Variants in SPAG9 observed in about 807,000 individuals in gnomAD.
The protein encoded by SPAG9 is C-Jun-amino-terminal kinase-interacting protein 4.
A neutral mutation model predicts 166.5 loss-of-function variants in SPAG9; 35 were observed. That is an observed-to-expected ratio of 0.21 (90% CI 0.16 to 0.28). The LOEUF is 0.28. SPAG9 is among the 10% of genes least tolerant of loss of function. SPAG9 has a pLI of 1.00. For synonymous variants in SPAG9, 534 were observed against 565.5 expected, an observed-to-expected ratio of 0.94 and a Z score of 0.79; for missense variants, 1,235 against 1,603.3, an observed-to-expected ratio of 0.77 and a Z score of 3.92.
rs779938245 is a variant in SPAG9, at chr17:50,989,754, G to A, written c.2736C>T (p.Gly912=). The A allele has an allele frequency of 9.7e-5, 157 of 1,613,796 alleles. No homozygotes were observed. Among genetic ancestry groups the A allele is most frequent in the Non-Finnish European group, 1.3e-4 (150 of 1,179,932 alleles). Residue 912 remains glycine, a synonymous_variant, in exon 21 of 30, where the codon GGC becomes GGT. Coordinates refer to ENST00000262013, the MANE Select transcript of SPAG9 (RefSeq NM_001130528.3). ...CTGTAAAGACATGCTCTGTGTAGAC[G>A]CCAGTTTGGGAGATGTCCACTGTGT... ...AEDTVDISQT[G]VYTEHVFTDP...
At chr17:50,994,472 C>T (rs1046011615) in intron 18 of SPAG9, among the ~76,000 whole-genome samples, 4 of 152,108 alleles carry the variant, frequency 2.6e-5, no homozygotes, top group Admixed American at 6.5e-5. Flanking sequence ...AGCAGTTAGG[C>T]TGGCACAGTG....
At chr17:51,036,571 C>T (rs1214783634) in intron 5 of SPAG9, among the ~76,000 whole-genome samples, 2 of 152,128 alleles carry the variant, frequency 1.3e-5, no homozygotes, top group African/African-American at 2.4e-5. Flanking sequence ...CACACAGATG[C>T]TGCCTTCCTC....
intron 22 of SPAG9, among the ~76,000 whole-genome samples, chr17:50,986,431 G>A (rs961821173): frequency 2.6e-5 from 4 of 152,144 alleles, no homozygotes; most frequent in African/African-American, 7.2e-5. Context: ...GACTTTTTCA[G>A]ATTTTAGAAT....
intron 28 of SPAG9, among the ~76,000 whole-genome samples, chr17:50,972,363 C>A (rs1024667): frequency 0.057 from 8,651 of 152,232 alleles, 734 homozygotes; most frequent in African/African-American, 0.19. Flanking sequence ...TATTTCAAAT[C>A]TATGGCTTTC....
At chr17:50,973,500 GAAT>G (rs1353800833) in intron 28 of SPAG9, among the ~76,000 whole-genome samples, 2 of 152,134 alleles carry the variant, frequency 1.3e-5, no homozygotes, top group Non-Finnish European at 2.9e-5. Flanking sequence ...AAGAATAACT[GAAT>G]AATTGCTTAG....
chr17:51,058,649 C>G (rs1212629661), intron 2 of SPAG9, among the ~76,000 whole-genome samples: 1 of 152,186 alleles, frequency 6.6e-6, no homozygotes, highest in African/African-American at 2.4e-5. Flanking sequence ...TTCACAGATA[C>G]TTTGATACAA....
rs748709764 is a variant in SPAG9 at position 50,999,691 on chromosome 17, T to C, written c.1634A>G (p.Gln545Arg). 2 of 1,613,492 alleles carry C rather than the reference T, an allele frequency of 1.2e-6. No individual in the cohort carries two copies. The highest frequency in any genetic ancestry group is 8.5e-7 in the Non-Finnish European group (1 of 1,179,634). ...IRASRENPAM[Q>R]EKKRSSIWQF... The stretch of plus-strand genomic sequence containing the variant: ...CCAAATGCTTGACCTTTTTTTTTCC[T>C]GCATGGCTGGATTTTCTCGTGATGC... Residue 545 changes from glutamine (Q) to arginine (R), a missense_variant, in exon 14 of 30, where the codon CAG becomes CGG. Physicochemically the swap from Gln to Arg is conservative, Grantham distance 43. Coordinates refer to ENST00000262013, the MANE Select transcript of SPAG9 (RefSeq NM_001130528.3).
chr17:51,120,609 G>A lies in SPAG9; in HGVS notation c.48C>T (p.Ser16=), dbSNP rs764706201. 2 of 1,612,258 alleles carry A rather than the reference G, an allele frequency of 1.2e-6. No individual in the cohort carries two copies. Among genetic ancestry groups the A allele is most frequent in the Non-Finnish European group, 1.7e-6 (2 of 1,179,388 alleles). The stretch of plus-strand genomic sequence containing the variant: ...ACACCCGCTCCGACATCACGGCCCC[G>A]GAGCCGCCGGGCTCCTCCTGATACA... The part of the protein sequence containing the change: ...GVVYQEEPGG[S]GAVMSERVSG... The change falls in exon 1 of 30, where the codon TCC becomes TCT. Residue 16 remains serine, a synonymous_variant. Transcript: ENST00000262013. This position sits in a 1 kb window ranked among gnomAD's most constrained non-coding sequence, Gnocchi z 4.7.
At chr17:51,098,995 G>A (rs772932915) in intron 1 of SPAG9, among the ~76,000 whole-genome samples, 9 of 151,742 alleles carry the variant, frequency 5.9e-5, no homozygotes, top group Non-Finnish European at 4.4e-5. Flanking sequence ...ATCTACTGGG[G>A]AGGCTGAGGC....
intron 2 of SPAG9, among the ~76,000 whole-genome samples, chr17:51,067,225 T>C (rs923150765): frequency 1.3e-5 from 2 of 152,168 alleles, no homozygotes; most frequent in African/African-American, 2.4e-5. Flanking sequence ...AATAACTCAG[T>C]ACAACAACAT....
chr17:50,964,385 T>A lies in SPAG9; in HGVS notation c.*1887A>T, dbSNP rs1466189671. On this transcript the variant is annotated 3_prime_UTR_variant, in exon 30 of 30. Coordinates refer to ENST00000262013, the MANE Select transcript of SPAG9 (RefSeq NM_001130528.3). ...GGTAGATCATCTGAGGTCAGGAGTT[T>A]GAGACCAGCCTGGCCAATGTGGTGA... 1 of 152,754 alleles carries A rather than the reference T, an allele frequency of 6.5e-6. No individual in the cohort carries two copies. The highest frequency in any genetic ancestry group is 1.5e-5 in the Non-Finnish European group (1 of 68,336). 9.5% of individuals were successfully genotyped at this position (152,754 alleles called of 1,614,324 possible).
intron 27 of SPAG9, chr17:50,975,931 G>A (rs1432185803): frequency 3.3e-6 from 5 of 1,514,580 alleles, no homozygotes; most frequent in Non-Finnish European, 4.4e-6. Context: ...AAGGGGACAT[G>A]GAGAGGTGCA....
chr17:50,970,913 GT>G (rs202233771), intron 28 of SPAG9, 57 bp from the exon 29 acceptor site: 12,274 of 1,097,154 alleles, frequency 0.011, 2 homozygotes, highest in East Asian at 0.022. Context: ...AGGCTGTTTT[GT>G]TTTTTTTTTT....
chr17:51,019,543 C>A (rs1002122125), intron 8 of SPAG9, among the ~76,000 whole-genome samples: 1 of 147,484 alleles, frequency 6.8e-6, no homozygotes, highest in Non-Finnish European at 1.5e-5. Context: ...GGCTACAGAG[C>A]GAGACTCCAT....
chr17:50,995,154 C>T lies in SPAG9; in HGVS notation c.2129G>A (p.Ser710Asn). Residue 710 changes from serine to asparagine, a missense_variant, in exon 18 of 30, where the codon AGT (serine) becomes AAT (asparagine). Ser to Asn is a conservative substitution (Grantham distance 46). Transcript: ENST00000262013. ...TRDGGSVVGA[S>N]VFYKDVAGLD... is the part of the protein sequence containing the mutation. ...ACCAGCAACATCCTTGTAAAATACA[C>T]TTGCTCCAACAACAGAACCACCATC... 1 of 1,614,066 alleles carries T rather than the reference C, an allele frequency of 6.2e-7. No individual in the cohort carries two copies. Among genetic ancestry groups the T allele is most frequent in the East Asian group, 2.2e-5 (1 of 44,878 alleles).
At chr17:50,980,445 T>C (rs1273557597) in intron 25 of SPAG9, among the ~76,000 whole-genome samples, 1 of 152,038 alleles carries the variant, frequency 6.6e-6, no homozygotes, top group Non-Finnish European at 1.5e-5. Context: ...CCTCAAGTGA[T>C]CTGCCCACCT....
rs868720023 is a variant in SPAG9, at chr17:51,037,665, T to A, written c.741+3836A>T. ...AATAAAATAAGTAAATATATGTGTT[T>A]TATATATATATATATATATAGTGTG... On this transcript the variant is annotated intron_variant, in intron 5 of 29. Coordinates refer to ENST00000262013, the MANE Select transcript of SPAG9 (RefSeq NM_001130528.3). Among the ~76,000 whole-genome samples, 76 of 92,860 alleles carry A rather than the reference T, an allele frequency of 8.2e-4. 1 individual carries two copies. The highest frequency in any genetic ancestry group is 2.6e-3 in the African/African-American group (69 of 26,862). The allele number at this position is 92,860 out of a possible 152,430, so 60.9% of individuals were successfully genotyped here.
intron 4 of SPAG9, chr17:51,046,970 C>T: frequency 5.0e-6 from 7 of 1,388,864 alleles, no homozygotes; most frequent in Non-Finnish European, 6.6e-6. Flanking sequence ...TGAAGATCTA[C>T]ATAATTTATT....
chr17:50,986,045 T>TA (rs1975025587), intron 22 of SPAG9, among the ~76,000 whole-genome samples: 1 of 152,220 alleles, frequency 6.6e-6, no homozygotes, highest in African/African-American at 2.4e-5. Flanking sequence ...TTCACACACT[T>TA]AGTCCTTGGG....
Sources: allele counts gnomAD v4.1 joint callset (sites outside exome capture counted in the v4.1 genomes callset), GRCh38; gene constraint gnomAD v4.1.1; non-coding constraint Gnocchi (gnomAD v3.1); transcripts MANE v1.5; gene names NCBI Gene and HGNC (gene_info 2026-07-23, HGNC 2026-07-21).